Variants in GSG1L observed in about 807,000 individuals in gnomAD.
GSG1L encodes germ cell-specific gene 1-like protein.
GSG1L carries 24 observed loss-of-function variants against 42.1 expected under a neutral mutation model. That is an observed-to-expected ratio of 0.57 (90% CI 0.41 to 0.80). The LOEUF (loss-of-function observed/expected upper bound fraction) is 0.80. GSG1L is among the 30% of genes least tolerant of loss of function. The probability of loss-of-function intolerance (pLI) is 0.00; values close to 1 mark genes in which losing one functional copy is unlikely to be tolerated. For synonymous variants in GSG1L, 215 were observed against 203.5 expected, an observed-to-expected ratio of 1.06 and a Z score of -0.48; for missense variants, 445 against 472.2, an observed-to-expected ratio of 0.94 and a Z score of 0.53.
At chr16:27,903,867 T>C (rs1276847550) in intron 2 of GSG1L, among the ~76,000 whole-genome samples, 1 of 152,062 alleles carries the variant, frequency 6.6e-6, no homozygotes, top group African/African-American at 2.4e-5. Context: ...GGCATTCACT[T>C]ACCTGTCAGA....
At chr16:27,951,106 G>A (rs1385917803) in intron 2 of GSG1L, among the ~76,000 whole-genome samples, 1 of 152,202 alleles carries the variant, frequency 6.6e-6, no homozygotes, top group East Asian at 1.9e-4. Context: ...GATGGACGAA[G>A]GTTACTGCAG....
chr16:27,829,480 A>G (rs955550792), intron 4 of GSG1L, among the ~76,000 whole-genome samples: 1 of 152,192 alleles, frequency 6.6e-6, no homozygotes, highest in Non-Finnish European at 1.5e-5. Context: ...ATTTTTTATG[A>G]AAGTTAAGTT....
At chr16:28,050,938 A>T (rs917469117) in intron 1 of GSG1L, among the ~76,000 whole-genome samples, 15 of 152,312 alleles carry the variant, frequency 9.8e-5, no homozygotes, top group African/African-American at 3.4e-4. Flanking sequence ...TAATAAATTT[A>T]GGTTACATGC....
chr16:27,884,400 C>T lies in GSG1L; in HGVS notation c.550+86G>A. 7.7e-7 allele frequency: 1 copy of T among 1,298,864 alleles called. No homozygotes were observed. The highest frequency in any genetic ancestry group is 1.0e-6 in the Non-Finnish European group (1 of 956,480). 80.5% of individuals were successfully genotyped at this position (1,298,864 alleles called of 1,614,324 possible). The stretch of plus-strand genomic sequence containing the variant: ...AGAGAAGCAATTTGTCCAATGCCTC[C>T]CGGTTGGTACAACCAGGGCTTACTC... On this transcript the variant is annotated intron_variant, in intron 3 of 6. Coordinates refer to ENST00000447459, the MANE Select transcript of GSG1L (RefSeq NM_001109763.2). The surrounding 1 kb of genome is among the most constrained non-coding windows in gnomAD (Gnocchi z 4.4).
chr16:27,947,420 G>GAAAGAAA (rs924714770), intron 2 of GSG1L, among the ~76,000 whole-genome samples: 1 of 143,904 alleles, frequency 6.9e-6, no homozygotes. Flanking sequence ...AAGAAAGAAA[G>GAAAGAAA]AAAGAAAGAG....
intron 2 of GSG1L, among the ~76,000 whole-genome samples, chr16:27,951,462 T>C (rs1030421302): frequency 2.6e-5 from 4 of 152,128 alleles, no homozygotes; most frequent in African/African-American, 9.7e-5. Flanking sequence ...ACCCAGTCCC[T>C]CGGGAGCATC....
At position 28,053,703 on chromosome 16, in the gene GSG1L, C is replaced by A. The variant is rs183448046; in HGVS notation, c.349+9373G>T. Among the ~76,000 whole-genome samples, 40 of 152,312 alleles carry A rather than the reference C, an allele frequency of 2.6e-4. No individual in the cohort carries two copies. The East Asian group carries it at 6.8e-3, about 26-fold the overall frequency. On this transcript the variant is annotated intron_variant, in intron 1 of 6. Coordinates refer to ENST00000447459, the MANE Select transcript of GSG1L (RefSeq NM_001109763.2). ...TCTCCAGCTTCTCGGGCACCCTCCT[C>A]CCTGTGTGTGAGTGCACGTGCACAT...
rs965208348 is a variant in GSG1L, at chr16:27,884,982, G to A, written c.398-344C>T. On this transcript the variant is annotated intron_variant, in intron 2 of 6. Transcript: ENST00000447459. The surrounding 1 kb of genome is among the most constrained non-coding windows in gnomAD (Gnocchi z 4.4). ...TTAGGGTGAAGCTGACACTGTAGAC[G>A]CAGAGAAGAGTGATGGAACGATGGC... is the stretch of plus-strand genomic sequence containing the variant. 2.6e-5 allele frequency among the ~76,000 whole-genome samples: 4 copies of A among 152,126 alleles called. No individual in the cohort carries two copies. Among genetic ancestry groups the A allele is most frequent in the Non-Finnish European group, 5.9e-5 (4 of 68,026 alleles).
chr16:27,992,194 T>C (rs2085464687), intron 1 of GSG1L, among the ~76,000 whole-genome samples: 1 of 152,186 alleles, frequency 6.6e-6, no homozygotes, highest in Non-Finnish European at 1.5e-5. Flanking sequence ...CCTAAAGGCT[T>C]GCTAGATAAA....
At chr16:28,015,212 T>C (rs1390522340) in intron 1 of GSG1L, among the ~76,000 whole-genome samples, 3 of 152,190 alleles carry the variant, frequency 2.0e-5, no homozygotes, top group Non-Finnish European at 4.4e-5. Flanking sequence ...CCATATCTAA[T>C]GTGGGATGGG....
intron 2 of GSG1L, among the ~76,000 whole-genome samples, chr16:27,920,909 G>C (rs78621827): frequency 0.013 from 1,918 of 152,266 alleles, 41 homozygotes; most frequent in African/African-American, 0.044. Flanking sequence ...TTTAGTCGTG[G>C]GGAATAAGGG....
intron 2 of GSG1L, among the ~76,000 whole-genome samples, chr16:27,913,270 CTT>C (rs529349138): frequency 6.4e-4 from 97 of 152,260 alleles, no homozygotes; most frequent in South Asian, 3.9e-3. Context: ...ATGATACTAA[CTT>C]GTCGCGAAAC....
At chr16:27,819,744 T>G (rs1246217438) in intron 5 of GSG1L, among the ~76,000 whole-genome samples, 1 of 152,178 alleles carries the variant, frequency 6.6e-6, no homozygotes, top group Non-Finnish European at 1.5e-5. Context: ...GTCTTTGTCC[T>G]GAGAGCCATG....
chr16:27,864,417 A>T (rs56080240), intron 3 of GSG1L, among the ~76,000 whole-genome samples: 2,534 of 152,304 alleles, frequency 0.017, 69 homozygotes, highest in African/African-American at 0.058. Flanking sequence ...TGGAGATGAC[A>T]TGGAGACAGT....
chr16:27,794,332 T>A (rs950857570), intron 6 of GSG1L, among the ~76,000 whole-genome samples: 18 of 151,578 alleles, frequency 1.2e-4, no homozygotes, highest in Non-Finnish European at 1.9e-4. Context: ...CTTCAAAACT[T>A]TCTTTTTTTT....
At chr16:27,918,290 C>A (rs1451822231) in intron 2 of GSG1L, among the ~76,000 whole-genome samples, 3 of 152,132 alleles carry the variant, frequency 2.0e-5, no homozygotes, top group African/African-American at 4.8e-5. Context: ...CAGAAAAAAA[C>A]AACAACCAGA....
intron 3 of GSG1L, among the ~76,000 whole-genome samples, chr16:27,875,718 A>G (rs74015123): frequency 0.017 from 2,530 of 152,258 alleles, 65 homozygotes; most frequent in African/African-American, 0.058. Flanking sequence ...ATCCTCTGGC[A>G]TGGTAATTTG....
At chr16:28,022,401 C>T (rs1005274154) in intron 1 of GSG1L, among the ~76,000 whole-genome samples, 3 of 152,132 alleles carry the variant, frequency 2.0e-5, no homozygotes, top group Admixed American at 6.5e-5. Context: ...TCACAGCTCA[C>T]TGAAGCCTCA....
chr16:27,827,217 A>C (rs928638509), intron 5 of GSG1L, among the ~76,000 whole-genome samples: 1 of 152,170 alleles, frequency 6.6e-6, no homozygotes, highest in Admixed American at 6.5e-5. Context: ...GTTGACTCTG[A>C]CCTAGGGCTG....
Sources: allele counts gnomAD v4.1 joint callset (sites outside exome capture counted in the v4.1 genomes callset), GRCh38; gene constraint gnomAD v4.1.1; non-coding constraint Gnocchi (gnomAD v3.1); transcripts MANE v1.5; gene names NCBI Gene and HGNC (gene_info 2026-07-23, HGNC 2026-07-21).